The following PTPRD variants were observed in gnomAD, a reference collection of about 807,000 sequenced individuals.
The protein encoded by PTPRD is protein tyrosine phosphatase receptor type D.
Under a neutral mutation model 214.5 loss-of-function variants are expected in PTPRD, and 34 were observed. That is an observed-to-expected ratio of 0.16 (90% CI 0.12 to 0.21). The LOEUF (loss-of-function observed/expected upper bound fraction) is 0.21, where lower values mean the gene tolerates loss of function less well. Ranked by LOEUF, PTPRD falls within the 10% of genes least tolerant of loss-of-function variation. The pLI is 1.00. For missense variants in PTPRD, 2,545 were observed against 2,398.7 expected (o/e 1.06, Z -1.27); for synonymous variants, 1,128 against 845.7 (o/e 1.33, Z -5.79).
intron 5 of PTPRD, among the ~76,000 whole-genome samples, chr9:9,865,308 T>C (rs1565869246): frequency 6.6e-6 from 1 of 152,346 alleles, no homozygotes; most frequent in East Asian, 1.9e-4. Flanking sequence ...GCGGAGGCTT[T>C]AAGAAATGAT....
At chr9:9,548,674 A>T (rs911148705) in intron 8 of PTPRD, among the ~76,000 whole-genome samples, 1 of 147,262 alleles carries the variant, frequency 6.8e-6, no homozygotes, top group East Asian at 1.9e-4. Flanking sequence ...AAAGTATGAT[A>T]AAAAACGATG....
intron 10 of PTPRD, among the ~76,000 whole-genome samples, chr9:9,069,094 G>A (rs915847289): frequency 6.6e-6 from 1 of 152,168 alleles, no homozygotes; most frequent in African/African-American, 2.4e-5. Context: ...TACAGTGTAT[G>A]AGAAAACCTG....
Position 10,536,980 on chromosome 9 carries a change from C to A in PTPRD, c.-600+75418G>T, listed in dbSNP as rs141321552. ...GGTAATTCAAATGAAAGCTTCAAAGCTCCTTTTCCTTCTGGGGAATCTCAA... is the reference window on the plus strand; with the variant it reads ...GGTAATTCAAATGAAAGCTTCAAAGATCCTTTTCCTTCTGGGGAATCTCAA... On this transcript the variant is annotated intron_variant, in intron 2 of 45. Coordinates refer to ENST00000381196, the MANE Select transcript of PTPRD (RefSeq NM_002839.4). Among the ~76,000 whole-genome samples, 73 of 152,256 alleles carry A rather than the reference C, an allele frequency of 4.8e-4. 1 individual carries two copies. In the East Asian group the frequency reaches 0.013, roughly 28 times the overall value.
chr9:9,715,489 T>C (rs565336659), intron 7 of PTPRD, among the ~76,000 whole-genome samples: 4 of 152,254 alleles, frequency 2.6e-5, no homozygotes, highest in Admixed American at 6.5e-5. Flanking sequence ...ATAAAAAATA[T>C]ATTTTCTACA....
At chr9:9,907,725 C>T (rs1317484815) in intron 5 of PTPRD, among the ~76,000 whole-genome samples, 1 of 151,924 alleles carries the variant, frequency 6.6e-6, no homozygotes, top group African/African-American at 2.4e-5. Context: ...AAAATACTGT[C>T]ATTCCTAACA....
intron 44 of PTPRD, among the ~76,000 whole-genome samples, chr9:8,330,020 ATCTCCTGGTTT>A (rs1293645636): frequency 6.6e-6 from 1 of 151,992 alleles, no homozygotes; most frequent in Admixed American, 6.6e-5. Context: ...ACTGGAGGGA[ATCTCCTGGTTT>A]ACCAGTTGTG....
intron 44 of PTPRD, among the ~76,000 whole-genome samples, chr9:8,327,103 T>TAGTTCAATTGTGATGTTA: frequency 1.3e-5 from 2 of 150,310 alleles, no homozygotes; most frequent in African/African-American, 4.9e-5. Flanking sequence ...CTTGTTACTC[T>TAGTTCAATTGTGATGTTA]AGTTCAATTG....
At chr9:8,342,499 G>C (rs977882428) in intron 39 of PTPRD, among the ~76,000 whole-genome samples, 1 of 152,046 alleles carries the variant, frequency 6.6e-6, no homozygotes, top group African/African-American at 2.4e-5. Context: ...TATGTGTCAA[G>C]TATGGTTCAA....
chr9:9,246,295 T>C (rs563704388), intron 9 of PTPRD, among the ~76,000 whole-genome samples: 2 of 152,162 alleles, frequency 1.3e-5, no homozygotes, highest in African/African-American at 4.8e-5. Flanking sequence ...ATCTCTTGTG[T>C]GGAATTGTTG....
Position 9,981,381 on chromosome 9 carries a change from G to A in PTPRD, c.-471-42771C>T, listed in dbSNP as rs528709247. 1.1e-3 allele frequency among the ~76,000 whole-genome samples: 147 copies of A among 133,508 alleles called. 1 individual carries two copies. Among genetic ancestry groups the A allele is most frequent in the African/African-American group, 3.6e-3 (134 of 36,738 alleles). 87.6% of individuals were successfully genotyped at this position (133,508 alleles called of 152,430 possible). A position where few individuals can be genotyped will look rare whatever the true frequency, so the allele number is the denominator to read the frequency against. ...TTTTTTTTTTTTTTTTTAAGACAGA[G>A]TCTCACTCTGTCGCCCAGGCTGGAG... On this transcript the variant is annotated intron_variant, in intron 4 of 45. Transcript: ENST00000381196.
At chr9:9,207,791 A>C (rs558329807) in intron 9 of PTPRD, among the ~76,000 whole-genome samples, 4 of 152,200 alleles carry the variant, frequency 2.6e-5, no homozygotes, top group South Asian at 4.2e-4. Flanking sequence ...ATAGTAAAAG[A>C]GTTGAAACAA....
chr9:10,113,734 G>A (rs138670016), intron 3 of PTPRD, among the ~76,000 whole-genome samples: 276 of 152,226 alleles, frequency 1.8e-3, no homozygotes, highest in Middle Eastern at 3.4e-3. Flanking sequence ...ACAATGCTTC[G>A]CCACTTTAAT....
chr9:9,503,220 C>T (rs2096475217), intron 8 of PTPRD, among the ~76,000 whole-genome samples: 1 of 151,606 alleles, frequency 6.6e-6, no homozygotes, highest in Non-Finnish European at 1.5e-5. Context: ...AGTTATAGCT[C>T]AGTAATGTTA....
intron 7 of PTPRD, among the ~76,000 whole-genome samples, chr9:9,666,983 A>G (rs1356399271): frequency 2.0e-5 from 3 of 152,102 alleles, no homozygotes; most frequent in African/African-American, 7.2e-5. Context: ...AAAATAGACT[A>G]AAGTCATCGT....
rs111526101 is a variant in PTPRD at position 9,574,441 on chromosome 9, T to C, written c.-237+291A>G. ...ATTATGAAAAATTTAATGGATAAAA[T>C]TGTTATTCATGTTCAAAGAACAGTT... On this transcript the variant is annotated intron_variant, in intron 8 of 45. Transcript: ENST00000381196. Among the ~76,000 whole-genome samples the C allele has an allele frequency of 6.0e-4, 91 of 152,070 alleles. 1 individual carries two copies. The highest frequency in any genetic ancestry group is 3.4e-3 in the Middle Eastern group (1 of 294).
intron 43 of PTPRD, among the ~76,000 whole-genome samples, chr9:8,332,239 C>T (rs570753321): frequency 6.6e-6 from 1 of 152,324 alleles, no homozygotes; most frequent in Admixed American, 6.5e-5. Context: ...TTCACATCTG[C>T]TGTGCTTGCG....
intron 5 of PTPRD, among the ~76,000 whole-genome samples, chr9:9,885,982 A>G (rs1427767188): frequency 6.7e-6 from 1 of 149,766 alleles, no homozygotes; most frequent in East Asian, 1.9e-4. Context: ...AACCCCACAT[A>G]TTAAAAAAAA....
intron 10 of PTPRD, among the ~76,000 whole-genome samples, chr9:9,019,486 C>T (rs967957892): frequency 2.0e-5 from 3 of 152,134 alleles, no homozygotes; most frequent in African/African-American, 7.2e-5. Context: ...AGGCAGATCA[C>T]TTAAGGTCAG....
At chr9:9,349,751 T>TA (rs2050373133) in intron 9 of PTPRD, among the ~76,000 whole-genome samples, 1 of 149,276 alleles carries the variant, frequency 6.7e-6, no homozygotes, top group South Asian at 2.1e-4. Context: ...GTGGCACCCA[T>TA]CACATGTTTT....
Sources: gnomAD v4.1 joint callset for allele counts (sites outside exome capture counted in the v4.1 genomes callset) on GRCh38, gnomAD v4.1.1 for gene constraint, MANE v1.5 for transcripts, NCBI Gene and HGNC (gene_info 2026-07-23, HGNC 2026-07-21) for gene names.